Variants in PTPRT observed in about 807,000 individuals in gnomAD.
PTPRT encodes protein tyrosine phosphatase receptor type T.
PTPRT carries 56 observed loss-of-function variants against 176.8 expected under a neutral mutation model. That is an observed-to-expected ratio of 0.32 (90% CI 0.26 to 0.40). PTPRT has a LOEUF of 0.40. Among genes scored for constraint, PTPRT ranks in the 10% least tolerant of loss-of-function variants. PTPRT has a pLI of 1.00. For synonymous variants in PTPRT, 783 were observed against 739.0 expected, an observed-to-expected ratio of 1.06 and a Z score of -0.96; for missense variants, 1,540 against 1,908.2, an observed-to-expected ratio of 0.81 and a Z score of 3.60.
intron 8 of PTPRT, among the ~76,000 whole-genome samples, chr20:42,449,776 A>C (rs1035338547): frequency 1.3e-5 from 2 of 152,206 alleles, no homozygotes; most frequent in African/African-American, 4.8e-5. Flanking sequence ...GTTAAATTAA[A>C]ATATGTTTAG....
At chr20:43,058,580 T>C (rs1477688952) in intron 1 of PTPRT, among the ~76,000 whole-genome samples, 1 of 152,086 alleles carries the variant, frequency 6.6e-6, no homozygotes, top group Non-Finnish European at 1.5e-5. Context: ...TGCTCAGAAA[T>C]GGTATTGTAA....
chr20:43,067,853 C>A (rs768262269), intron 1 of PTPRT, among the ~76,000 whole-genome samples: 18 of 144,896 alleles, frequency 1.2e-4, no homozygotes, highest in Non-Finnish European at 2.3e-4. Flanking sequence ...GTAGACCCAG[C>A]TACTCAAGAG....
intron 6 of PTPRT, among the ~76,000 whole-genome samples, chr20:42,711,123 G>T (rs1600647161): frequency 6.6e-6 from 1 of 152,324 alleles, no homozygotes; most frequent in Middle Eastern, 3.4e-3. Flanking sequence ...GCTCATGGAT[G>T]GAAGGAACTT....
intron 2 of PTPRT, among the ~76,000 whole-genome samples, chr20:42,824,638 C>A (rs535110968): frequency 1.3e-5 from 2 of 151,930 alleles, no homozygotes; most frequent in African/African-American, 4.8e-5. Flanking sequence ...TTAATTAATT[C>A]ATAACTATAA....
At chr20:43,143,094 G>A (rs4812674) in intron 1 of PTPRT, among the ~76,000 whole-genome samples, 128,681 of 152,150 alleles carry the variant, frequency 0.85, 55,541 homozygotes, top group East Asian at 0.95. Context: ...GCCCTGCCAC[G>A]GCTCCTCTTC....
chr20:42,098,410 C>A lies in PTPRT; in HGVS notation c.3846+11G>T. On this transcript the variant is annotated intron_variant, in intron 27 of 30. Transcript: ENST00000373187. ...CTGACCCACCTAGGGCTTGGCTTGG[C>A]CTCCTCCTACCTGGGCAGTGTCCAT... 6.2e-7 allele frequency: 1 copy of A among 1,613,670 alleles called. No homozygotes were observed. Among genetic ancestry groups the A allele is most frequent in the South Asian group, 1.1e-5 (1 of 91,036 alleles).
At chr20:42,516,752 A>G (rs890955187) in intron 7 of PTPRT, among the ~76,000 whole-genome samples, 1 of 152,172 alleles carries the variant, frequency 6.6e-6, no homozygotes, top group South Asian at 2.1e-4. Flanking sequence ...CTTGTAGTAG[A>G]TAAGAATTCC....
intron 16 of PTPRT, among the ~76,000 whole-genome samples, chr20:42,174,858 ATC>A (rs1338542405): frequency 2.0e-5 from 3 of 152,206 alleles, no homozygotes; most frequent in Admixed American, 2.0e-4. Flanking sequence ...TATGGCTAGT[ATC>A]TCTGAAAACT....
At chr20:42,045,639 G>A in the PTPRT span, among the ~76,000 whole-genome samples, 1 of 144,872 alleles carries the variant, frequency 6.9e-6, no homozygotes, top group Admixed American at 7.2e-5. Context: ...TTCAGTGCCT[G>A]TACAAGTGGA....
At chr20:42,374,989 C>G (rs989698881) in intron 9 of PTPRT, among the ~76,000 whole-genome samples, 7 of 152,180 alleles carry the variant, frequency 4.6e-5, no homozygotes, top group African/African-American at 1.4e-4. Context: ...AAATAAGAAT[C>G]TATTCCAGAA....
At chr20:42,531,134 G>A (rs936673121) in intron 7 of PTPRT, among the ~76,000 whole-genome samples, 20 of 152,188 alleles carry the variant, frequency 1.3e-4, no homozygotes, top group African/African-American at 1.9e-4. Flanking sequence ...TGAAATTTCC[G>A]GAGTTAATAT....
intron 16 of PTPRT, among the ~76,000 whole-genome samples, chr20:42,177,126 G>C (rs1437490351): frequency 6.6e-6 from 1 of 152,174 alleles, no homozygotes; most frequent in African/African-American, 2.4e-5. Context: ...TGCTTCTCAA[G>C]GTGTAATGTA....
At chr20:43,135,983 T>A (rs2013820312) in intron 1 of PTPRT, among the ~76,000 whole-genome samples, 1 of 152,240 alleles carries the variant, frequency 6.6e-6, no homozygotes, top group South Asian at 2.1e-4. Context: ...AATAATCACT[T>A]GGTGCTTAAA....
At chr20:42,689,581 A>G (rs1397323076) in intron 6 of PTPRT, among the ~76,000 whole-genome samples, 2 of 152,190 alleles carry the variant, frequency 1.3e-5, no homozygotes, top group African/African-American at 4.8e-5. Context: ...TACACAGAAT[A>G]GTGGTCCCAA....
intron 1 of PTPRT, among the ~76,000 whole-genome samples, chr20:42,977,658 T>C (rs1011046054): frequency 1.3e-5 from 2 of 152,240 alleles, no homozygotes; most frequent in Admixed American, 1.3e-4. Flanking sequence ...AGTTTGCTAA[T>C]TTTTAAACTA....
intron 8 of PTPRT, among the ~76,000 whole-genome samples, chr20:42,470,256 T>G (rs114422700): frequency 6.6e-6 from 1 of 152,138 alleles, no homozygotes; most frequent in Non-Finnish European, 1.5e-5. Context: ...CCTCTGAATC[T>G]CTCCTCCCCA....
chr20:42,762,288 C>G (rs554689339), intron 5 of PTPRT, among the ~76,000 whole-genome samples: 23 of 152,260 alleles, frequency 1.5e-4, no homozygotes, highest in Admixed American at 2.6e-4. Context: ...GCATCAGAAT[C>G]ACCTAGAGGG....
intron 4 of PTPRT, among the ~76,000 whole-genome samples, chr20:42,777,757 T>C (rs2077158260): frequency 6.6e-6 from 1 of 152,188 alleles, no homozygotes; most frequent in Non-Finnish European, 1.5e-5. Context: ...CACTGGTCCT[T>C]AGGAAAGGGA....
At chr20:42,174,712 A>G (rs1990218280) in intron 16 of PTPRT, among the ~76,000 whole-genome samples, 1 of 152,154 alleles carries the variant, frequency 6.6e-6, no homozygotes, top group African/African-American at 2.4e-5. Flanking sequence ...TACTCTCTGA[A>G]GACAGGGTAG....
Sources: allele counts gnomAD v4.1 joint callset (sites outside exome capture counted in the v4.1 genomes callset), GRCh38; gene constraint gnomAD v4.1.1; transcripts MANE v1.5; gene names NCBI Gene and HGNC (gene_info 2026-07-23, HGNC 2026-07-21).